PDE4D: variants seen among roughly 807,000 people sequenced by gnomAD.
PDE4D encodes the protein phosphodiesterase 4D.
Under a neutral mutation model 87.4 loss-of-function variants are expected in PDE4D, and 24 were observed. The ratio of observed to expected loss-of-function variants is 0.27; its 90% CI spans 0.20 to 0.39. The LOEUF (loss-of-function observed/expected upper bound fraction) is 0.39. Ranked by LOEUF, PDE4D falls within the 10% of genes least tolerant of loss-of-function variation. The pLI is 1.00. For missense variants in PDE4D, 714 were observed against 1,041.0 expected, an observed-to-expected ratio of 0.69 and a Z score of 4.32; for synonymous variants, 384 against 383.2, an observed-to-expected ratio of 1.00 and a Z score of -0.02.
intron 1 of PDE4D, among the ~76,000 whole-genome samples, chr5:59,487,512 G>A (rs993821390): frequency 1.3e-5 from 2 of 152,154 alleles, no homozygotes; most frequent in Middle Eastern, 6.8e-3. Context: ...CTTCCTCATG[G>A]GTCAGACGAT....
At chr5:59,486,723 C>T (rs1347473228) in intron 1 of PDE4D, among the ~76,000 whole-genome samples, 1 of 152,122 alleles carries the variant, frequency 6.6e-6, no homozygotes, top group Non-Finnish European at 1.5e-5. Context: ...TTCTTAACCA[C>T]CAGTGTACAT....
intron 1 of PDE4D, among the ~76,000 whole-genome samples, chr5:60,454,509 TGAAGCCA>T (rs1746325700): frequency 6.6e-6 from 1 of 152,138 alleles, no homozygotes; most frequent in Non-Finnish European, 1.5e-5. Flanking sequence ...GGGACATGGA[TGAAGCCA>T]GAAGCCATCA....
chr5:60,360,686 T>C (rs1160390606), intron 1 of PDE4D, among the ~76,000 whole-genome samples: 1 of 152,210 alleles, frequency 6.6e-6, no homozygotes, highest in Non-Finnish European at 1.5e-5. Context: ...CCTAATGCTA[T>C]ATGTGGGTCT....
chr5:59,528,487 G>A (rs1813564637), intron 1 of PDE4D, among the ~76,000 whole-genome samples: 2 of 152,126 alleles, frequency 1.3e-5, no homozygotes, highest in South Asian at 4.1e-4. Context: ...CCTAAGTCAA[G>A]CCCTTTTAGT....
chr5:59,640,541 A>C (rs995035802), intron 1 of PDE4D, among the ~76,000 whole-genome samples: 7 of 152,180 alleles, frequency 4.6e-5, no homozygotes, highest in Non-Finnish European at 8.8e-5. Context: ...CAATGGCTGA[A>C]CCAGAGCACC....
At chr5:59,131,111 A>T (rs1776191417) in intron 5 of PDE4D, among the ~76,000 whole-genome samples, 1 of 152,186 alleles carries the variant, frequency 6.6e-6, no homozygotes, top group Non-Finnish European at 1.5e-5. Flanking sequence ...TATAAAAAAG[A>T]TGCCTTAAAT....
At chr5:60,087,847 G>A (rs894988922) in intron 2 of PDE4D, among the ~76,000 whole-genome samples, 13 of 152,030 alleles carry the variant, frequency 8.6e-5, no homozygotes, top group East Asian at 1.9e-4. Flanking sequence ...AAAAAGTAAC[G>A]GCTGAAATTT....
chr5:59,898,476 G>A (rs537411972), upstream of PDE4D, among the ~76,000 whole-genome samples: 4 of 152,270 alleles, frequency 2.6e-5, no homozygotes, highest in African/African-American at 7.2e-5. Context: ...AACCCTTACA[G>A]CTCAGTGAGT....
intron 1 of PDE4D, among the ~76,000 whole-genome samples, chr5:59,485,659 T>C (rs1300046711): frequency 6.6e-6 from 1 of 152,084 alleles, no homozygotes; most frequent in Non-Finnish European, 1.5e-5. Context: ...CAGAATAGTT[T>C]TTCTAGAAGA....
chr5:59,401,629 G>A (rs1464434120), intron 1 of PDE4D, among the ~76,000 whole-genome samples: 1 of 152,056 alleles, frequency 6.6e-6, no homozygotes, highest in Non-Finnish European at 1.5e-5. Context: ...ACACTGAAAT[G>A]TTAGGGGTTC....
At chr5:59,725,506 G>A (rs901384829) in intron 1 of PDE4D, among the ~76,000 whole-genome samples, 1 of 151,998 alleles carries the variant, frequency 6.6e-6, no homozygotes, top group Non-Finnish European at 1.5e-5. Flanking sequence ...TATATTCATT[G>A]CCCAAAAAAG....
At position 58,975,226 on chromosome 5, in the gene PDE4D, C is replaced by CAACA; in HGVS notation, c.2014-150_2014-147dup. 1 of 494,294 alleles carries CAACA rather than the reference C, an allele frequency of 2.0e-6. No homozygotes were observed. The allele number at this position is 494,294 out of a possible 1,614,324, so 30.6% of individuals were successfully genotyped here. ...GTAAAATTGTCACTATTTTCAACAA[C>CAACA]AACAGACCATTTAAAGTAAAGTATT... is the stretch of plus-strand genomic sequence containing the variant. On this transcript the variant is annotated intron_variant, in intron 14 of 14. Coordinates refer to ENST00000340635, the MANE Select transcript of PDE4D (RefSeq NM_001104631.2). This position sits in a 1 kb window ranked among gnomAD's most constrained non-coding sequence, Gnocchi z 4.2.
In PDE4D at chr5:59,637,068, T is replaced by A. The variant is rs568104458; in HGVS notation, c.455+256100A>T. 5.9e-5 allele frequency among the ~76,000 whole-genome samples: 9 copies of A among 151,970 alleles called. No individual in the cohort carries two copies. The South Asian group carries it at 1.7e-3, about 28-fold the overall frequency. ...AATTTACAAGAAACAAACAACCCCA[T>A]CAAAAAGCAGACGAAGGATATGGAC... On this transcript the variant is annotated intron_variant, in intron 1 of 14. Transcript: ENST00000340635.
intron 1 of PDE4D, among the ~76,000 whole-genome samples, chr5:60,296,939 C>T (rs1251549415): frequency 4.0e-5 from 6 of 151,716 alleles, no homozygotes; most frequent in Non-Finnish European, 5.9e-5. Context: ...CAGGGCCTGT[C>T]GGGAGGTGGG....
At position 60,460,715 on chromosome 5, in the gene PDE4D, G is replaced by C; in HGVS notation, c.-90+27227C>G. The C allele has an allele frequency of 3.7e-6, 3 of 804,824 alleles. No homozygotes were observed. The South Asian group carries it at 4.5e-5, about 12-fold the overall frequency. The allele number at this position is 804,824 out of a possible 1,614,324, so 49.9% of individuals were successfully genotyped here. ...CTTGGTTTCTTCTTTTGAGGCAGGA[G>C]TGGAGACTGGCATTTGGGGGCCATG... is the stretch of plus-strand genomic sequence containing the variant. On this transcript the variant is annotated intron_variant, in intron 1 of 16. Transcript: ENST00000502484.
chr5:60,462,255 A>C (rs1257746599), intron 1 of PDE4D, among the ~76,000 whole-genome samples: 3 of 151,830 alleles, frequency 2.0e-5, no homozygotes, highest in Admixed American at 6.6e-5. Context: ...GTGTGTCTTC[A>C]CCCTCCCGAA....
chr5:60,314,170 AT>A lies in PDE4D; in HGVS notation c.-89-128484del, dbSNP rs199984345. On this transcript the variant is annotated intron_variant, in intron 1 of 16. Transcript: ENST00000502484. Reference sequence around the variant, plus strand: ...AAACTATCTGTATGCAGACAGTATGATTTTTTTTTTTTTTGAGATGGAGTCT... The same window carrying A: ...AAACTATCTGTATGCAGACAGTATGATTTTTTTTTTTTTGAGATGGAGTCT... Among the ~76,000 whole-genome samples the A allele has an allele frequency of 1.9e-3, 283 of 145,396 alleles. 1 individual carries two copies. Among genetic ancestry groups the A allele is most frequent in the Admixed American group, 2.4e-3 (35 of 14,566 alleles).
Position 59,164,403 on chromosome 5 carries a change from T to C in PDE4D, c.808+16192A>G, listed in dbSNP as rs117671081. 8.4e-4 allele frequency among the ~76,000 whole-genome samples: 128 copies of C among 152,330 alleles called. 1 individual carries two copies. In the East Asian group the frequency reaches 0.023, roughly 27 times the overall value. On this transcript the variant is annotated intron_variant, in intron 5 of 14. Coordinates refer to ENST00000340635, the MANE Select transcript of PDE4D (RefSeq NM_001104631.2). ...AAAATGTTTATTCAAGAACTAGTATTTCTTTTTTAGTTCCTACTATGCGTC... is the reference window on the plus strand; with the variant it reads ...AAAATGTTTATTCAAGAACTAGTATCTCTTTTTTAGTTCCTACTATGCGTC...
chr5:60,392,770 C>T (rs547279848), intron 1 of PDE4D, among the ~76,000 whole-genome samples: 31 of 152,150 alleles, frequency 2.0e-4, no homozygotes, highest in African/African-American at 7.0e-4. Flanking sequence ...CTCTGGAAAG[C>T]CATTTAAAAA....
Sources: allele counts gnomAD v4.1 joint callset (sites outside exome capture counted in the v4.1 genomes callset), GRCh38; gene constraint gnomAD v4.1.1; non-coding constraint Gnocchi (gnomAD v3.1); transcripts MANE v1.5; gene names NCBI Gene and HGNC (gene_info 2026-07-23, HGNC 2026-07-21).